COL5A1: variants seen among roughly 807,000 people sequenced by gnomAD.
The protein encoded by COL5A1 is collagen alpha-1(V) chain.
A neutral mutation model predicts 263.7 loss-of-function variants in COL5A1; 16 were observed. The observed-to-expected ratio is 0.06, with a 90% confidence interval of 0.04 to 0.09. The LOEUF is 0.09. Ranked by LOEUF, COL5A1 falls within the 10% of genes least tolerant of loss-of-function variation. The pLI, the probability that COL5A1 is intolerant of heterozygous loss-of-function variation, is 1.00. For missense variants in COL5A1, 2,036 were observed against 2,540.5 expected (o/e 0.80, Z 4.27); for synonymous variants, 1,012 against 1,004.5 (o/e 1.01, Z -0.14).
intron 4 of COL5A1, among the ~76,000 whole-genome samples, chr9:134,710,104 C>T (rs1243202092): frequency 1.3e-5 from 2 of 152,234 alleles, no homozygotes; most frequent in Non-Finnish European, 2.9e-5. Flanking sequence ...CCATCCTTCC[C>T]ATGGCTTTGA....
At chr9:134,830,869 C>G (rs1183747683) in intron 64 of COL5A1, among the ~76,000 whole-genome samples, 9 of 152,126 alleles carry the variant, frequency 5.9e-5, no homozygotes, top group African/African-American at 2.2e-4. Context: ...CGTGGAGTGC[C>G]CCTAGGAACC....
Position 134,747,295 on chromosome 9 carries a change from C to CT in COL5A1, c.1495-3247_1495-3246insT, listed in dbSNP as rs531927165. ...CAGCCTGGGGATTGGATTTTCACCA[C>CT]CGTGGCTTAGAACAGGCAGGAAGGA... On this transcript the variant is annotated intron_variant, in intron 11 of 65. Coordinates refer to ENST00000371817, the MANE Select transcript of COL5A1 (RefSeq NM_000093.5). Among the ~76,000 whole-genome samples, 182 of 152,302 alleles carry CT rather than the reference C, an allele frequency of 1.2e-3. 1 individual carries two copies. The Middle Eastern group carries it at 0.024, about 20-fold the overall frequency.
chr9:134,806,778 G>A lies in COL5A1; in HGVS notation c.3366+482G>A, dbSNP rs183385576. The stretch of plus-strand genomic sequence containing the variant: ...CTAGGAAAGGATGTTTGGAACCGGG[G>A]AGTCCTGTTTCTTGGTTGGGGGGCA... On this transcript the variant is annotated intron_variant, in intron 42 of 65. Coordinates refer to ENST00000371817, the MANE Select transcript of COL5A1 (RefSeq NM_000093.5). Among the ~76,000 whole-genome samples the A allele has an allele frequency of 1.1e-4, 16 of 152,294 alleles. No individual in the cohort carries two copies. The East Asian group carries it at 3.1e-3, about 29-fold the overall frequency.
chr9:134,731,367 A>G, intron 7 of COL5A1, 129 bp from the exon 8 acceptor site: 2 of 952,972 alleles, frequency 2.1e-6, no homozygotes, highest in South Asian at 2.8e-5. Context: ...TGGTGCCAGC[A>G]CAGGGCCTGA....
rs1838929371 is a variant in COL5A1 at position 134,820,008 on chromosome 9, T to C, written c.4447-108T>C. On this transcript the variant is annotated intron_variant, in intron 57 of 65. Coordinates refer to ENST00000371817, the MANE Select transcript of COL5A1 (RefSeq NM_000093.5). ...CCCTTCCAGGGGAGGCTGACCATGA[T>C]GTAAAGCTTCCTGTGCCATGGCTGT... 5.8e-6 allele frequency: 5 copies of C among 858,538 alleles called. No individual in the cohort carries two copies. In the South Asian group the frequency reaches 6.6e-5, roughly 11 times the overall value. The allele number at this position is 858,538 out of a possible 1,614,324, so 53.2% of individuals were successfully genotyped here.
intron 64 of COL5A1, among the ~76,000 whole-genome samples, chr9:134,831,780 TC>T (rs1481350292): frequency 6.6e-6 from 1 of 152,162 alleles, no homozygotes. Flanking sequence ...CTGTGAAACC[TC>T]ATTTGCAGCC....
intron 24 of COL5A1, among the ~76,000 whole-genome samples, chr9:134,768,169 C>T (rs1191171979): frequency 1.3e-5 from 2 of 152,220 alleles, no homozygotes; most frequent in Non-Finnish European, 2.9e-5. Context: ...AGAATGGGGG[C>T]ACTTGGTGGA....
chr9:134,821,638 G>A lies in COL5A1; in HGVS notation c.4555-459G>A, dbSNP rs992968269. 1.3e-5 allele frequency among the ~76,000 whole-genome samples: 2 copies of A among 152,174 alleles called. No individual in the cohort carries two copies. The highest frequency in any genetic ancestry group is 2.4e-5 in the African/African-American group (1 of 41,432). ...CAAGGATGCAGAAAGCACATTTACA[G>A]GCAGGACAGGACAGTCAGCATGGAT... On this transcript the variant is annotated intron_variant, in intron 58 of 65. Transcript: ENST00000371817. This position sits in a 1 kb window ranked among gnomAD's most constrained non-coding sequence, Gnocchi z 4.2.
At position 134,814,854 on chromosome 9, in the gene COL5A1, C is replaced by T. The variant is rs773060648; in HGVS notation, c.3964C>T (p.Pro1322Ser). Reference sequence around the variant, plus strand: ...GTCAGGCCCTTCAGGTGCTGCCGGACCCCCTGGACCCAAAGGCCCTCCCGG... The same window carrying T: ...GTCAGGCCCTTCAGGTGCTGCCGGATCCCCTGGACCCAAAGGCCCTCCCGG... ...GESGPSGAAG[P>S]PGPKGPPGDD... Residue 1322 changes from proline (P) to serine (S), a missense_variant, in exon 50 of 66, where the codon CCC becomes TCC. This residue lies in a region of COL5A1 where 1,078 missense variants were observed against 1,521.4 expected (regional missense o/e 0.71). Transcript: ENST00000371817. 4 of 1,551,502 alleles carry T rather than the reference C, an allele frequency of 2.6e-6. No individual in the cohort carries two copies. Among genetic ancestry groups the T allele is most frequent in the Non-Finnish European group, 3.5e-6 (4 of 1,147,088 alleles).
At chr9:134,767,450 A>C in intron 24 of COL5A1, 96 bp downstream of exon 24, 57 of 1,163,324 alleles carry the variant, frequency 4.9e-5, no homozygotes, top group Non-Finnish European at 6.9e-5. Flanking sequence ...ACCAGCTCTC[A>C]ATGTATATCT....
chr9:134,748,282 T>C (rs1835642927), intron 11 of COL5A1, among the ~76,000 whole-genome samples: 1 of 149,376 alleles, frequency 6.7e-6, no homozygotes, highest in Non-Finnish European at 1.5e-5. Flanking sequence ...CCTTTACACA[T>C]ATATGCACAT....
chr9:134,774,770 G>A, intron 26 of COL5A1, 89 bp from the exon 27 acceptor site: 1 of 1,341,690 alleles, frequency 7.5e-7, no homozygotes, highest in Admixed American at 1.9e-5. Context: ...CTCAGCAGGA[G>A]GGGTATGCCG....
intron 65 of COL5A1, among the ~76,000 whole-genome samples, chr9:134,839,656 C>T (rs1003047777): frequency 3.9e-5 from 6 of 152,206 alleles, no homozygotes; most frequent in African/African-American, 1.4e-4. Context: ...TCACTGCACT[C>T]CCTGGGTGGG....
chr9:134,748,062 CATGCACACACCCACAA>C, intron 11 of COL5A1, among the ~76,000 whole-genome samples: 1 of 152,100 alleles, frequency 6.6e-6, no homozygotes, highest in Non-Finnish European at 1.5e-5. Context: ...TGCATTCACA[CATGCACACACCCACAA>C]ACATGCATGC....
chr9:134,759,574 ACACACCCCCACACATGCATACACCCC>A (rs887742019), intron 18 of COL5A1, among the ~76,000 whole-genome samples: 4 of 121,878 alleles, frequency 3.3e-5, no homozygotes, highest in Admixed American at 2.5e-4. Context: ...TGCACACACC[ACACACCCCCACACATGCATACACCCC>A]CACACCCCCA....
rs116164506 is a variant in COL5A1, at chr9:134,727,160, G to A, written c.655-106G>A. On this transcript the variant is annotated intron_variant, in intron 4 of 65. Coordinates refer to ENST00000371817, the MANE Select transcript of COL5A1 (RefSeq NM_000093.5). ...GCTCTGAGGACAAGCTCGTCTTGTG[G>A]CTTGGTCTGGACTTTCCCCTGCTTC... is the stretch of plus-strand genomic sequence containing the variant. The A allele has an allele frequency of 0.019, 22,543 of 1,205,268 alleles. 713 individuals are homozygous for A. The highest frequency in any genetic ancestry group is 0.11 in the South Asian group (8,921 of 82,218). 74.7% of individuals were successfully genotyped at this position (1,205,268 alleles called of 1,614,324 possible).
rs1003120172 is a variant in COL5A1 at position 134,731,804 on chromosome 9, TAA to T, written c.1332+143_1332+144del. ...CACCCTATTCCCAAAACTTTATTTT[TAA>T]AGAGACCTCGGTGCCTCGAATTTGC... On this transcript the variant is annotated intron_variant, in intron 8 of 65. Coordinates refer to ENST00000371817, the MANE Select transcript of COL5A1 (RefSeq NM_000093.5). The T allele has an allele frequency of 4.2e-5, 42 of 995,708 alleles. No individual in the cohort carries two copies. In the African/African-American group the frequency reaches 6.5e-4, roughly 15 times the overall value. 61.7% of individuals were successfully genotyped at this position (995,708 alleles called of 1,614,324 possible). A position where few individuals can be genotyped will look rare whatever the true frequency, so the allele number is the denominator to read the frequency against.
intron 10 of COL5A1, 26 bp downstream of exon 10, chr9:134,738,541 C>T (rs755256062): frequency 6.2e-7 from 1 of 1,614,000 alleles, no homozygotes; most frequent in Non-Finnish European, 8.5e-7. Flanking sequence ...TATCCTGTGA[C>T]TTGCAGAAGG....
chr9:134,834,988 C>G lies in COL5A1; in HGVS notation c.5154C>G (p.Ala1718=). The stretch of plus-strand genomic sequence containing the variant: ...CCCCCCAGCTCTCCTATGTGGACGC[C>G]GAGGGCAACCCTGTGGGTGTGGTAC... ...KRGKLLSYVD[A]EGNPVGVVQM... is the part of the protein sequence containing the mutation. The change falls in exon 65 of 66, where the codon GCC becomes GCG. Residue 1718 remains alanine (A), a synonymous_variant. Transcript: ENST00000371817. 1.2e-6 allele frequency: 2 copies of G among 1,613,488 alleles called. No individual in the cohort carries two copies. Among genetic ancestry groups the G allele is most frequent in the Middle Eastern group, 1.6e-4 (1 of 6,062 alleles).
Sources: gnomAD v4.1 joint callset for allele counts (sites outside exome capture counted in the v4.1 genomes callset) on GRCh38, gnomAD v4.1.1 for gene constraint, gnomAD v4.1.1 regional missense constraint, Gnocchi (gnomAD v3.1) non-coding constraint, MANE v1.5 for transcripts, NCBI Gene and HGNC (gene_info 2026-07-23, HGNC 2026-07-21) for gene names.